The following PLCE1 variants were observed in gnomAD, a reference collection of about 807,000 sequenced individuals.
The protein encoded by PLCE1 is 1-phosphatidylinositol 4,5-bisphosphate phosphodiesterase epsilon-1.
A neutral mutation model predicts 242.8 loss-of-function variants in PLCE1; 119 were observed. That is an observed-to-expected ratio of 0.49 (90% confidence interval 0.42 to 0.57). The LOEUF is 0.57. PLCE1 is among the 20% of genes least tolerant of loss of function. The pLI, the probability that PLCE1 is intolerant of heterozygous loss-of-function variation, is 0.00. For missense variants in PLCE1, 2,441 were observed against 2,788.8 expected, an observed-to-expected ratio of 0.88 and a Z score of 2.81; for synonymous variants, 945 against 1,017.4, an observed-to-expected ratio of 0.93 and a Z score of 1.35.
intron 3 of PLCE1, among the ~76,000 whole-genome samples, chr10:94,158,670 G>A (rs1282044309): frequency 6.6e-6 from 1 of 151,880 alleles, no homozygotes; most frequent in Non-Finnish European, 1.5e-5. Context: ...TCAAAGAATA[G>A]CTTCAGAGTC....
chr10:94,321,843 T>C, intron 29 of PLCE1, 58 bp from the exon 30 acceptor site: 1 of 1,357,580 alleles, frequency 7.4e-7, no homozygotes, highest in Non-Finnish European at 1.0e-6. Context: ...GCTAGATTTG[T>C]CTTTCTTTAT....
chr10:94,186,494 T>C (rs12244999), intron 4 of PLCE1, among the ~76,000 whole-genome samples: 12,818 of 152,276 alleles, frequency 0.084, 997 homozygotes, highest in African/African-American at 0.21. Flanking sequence ...CAGCTCTGTA[T>C]TGAATTAACT....
rs150418108 is a variant in PLCE1 at position 94,291,527 on chromosome 10, C to G, written c.5036-1981C>G. ...AATCCCAGCTCTGTCTCTCCATGAC[C>G]TTGACTTGAACAGTTATGTATTATA... On this transcript the variant is annotated intron_variant, in intron 22 of 32. Coordinates refer to ENST00000371380, the MANE Select transcript of PLCE1 (RefSeq NM_016341.4). Among the ~76,000 whole-genome samples, 279 of 152,292 alleles carry G rather than the reference C, an allele frequency of 1.8e-3. 1 individual carries two copies. Among genetic ancestry groups the G allele is most frequent in the African/African-American group, 5.1e-3 (214 of 41,566 alleles).
intron 4 of PLCE1, among the ~76,000 whole-genome samples, chr10:94,182,181 G>T (rs2048335374): frequency 6.6e-6 from 1 of 151,790 alleles, no homozygotes; most frequent in African/African-American, 2.4e-5. Context: ...TATCTTTGGG[G>T]TCATCCATTA....
At chr10:94,190,486 G>C (rs2048625793) in intron 4 of PLCE1, among the ~76,000 whole-genome samples, 1 of 152,092 alleles carries the variant, frequency 6.6e-6, no homozygotes, top group African/African-American at 2.4e-5. Flanking sequence ...CACGCCTGTA[G>C]TACCAGCTAC....
chr10:94,256,350 GAAA>G (rs1267711807), intron 11 of PLCE1, among the ~76,000 whole-genome samples: 2 of 131,750 alleles, frequency 1.5e-5, no homozygotes, highest in African/African-American at 5.9e-5. Context: ...AAGAAAGAAA[GAAA>G]GAAAGAAAAA....
intron 1 of PLCE1, among the ~76,000 whole-genome samples, chr10:94,008,750 C>T (rs2061102857): frequency 6.6e-6 from 1 of 152,206 alleles, no homozygotes; most frequent in African/African-American, 2.4e-5. Context: ...GGTAAATAGT[C>T]AGCCAGGAGG....
chr10:94,166,369 A>C (rs577759488), intron 3 of PLCE1, among the ~76,000 whole-genome samples: 2 of 152,274 alleles, frequency 1.3e-5, no homozygotes, highest in African/African-American at 4.8e-5. Context: ...TGCCCATTTC[A>C]CCACCCCTCA....
intron 14 of PLCE1, among the ~76,000 whole-genome samples, chr10:94,265,446 G>A (rs2051479396): frequency 6.6e-6 from 1 of 152,020 alleles, no homozygotes; most frequent in South Asian, 2.1e-4. Context: ...AATATGCTTA[G>A]TATAATAAAC....
In PLCE1 at chr10:94,114,833, A is replaced by G. The variant is rs958861492; in HGVS notation, c.1207-17341A>G. Among the ~76,000 whole-genome samples the G allele has an allele frequency of 2.6e-5, 4 of 151,338 alleles. 1 individual carries two copies. The highest frequency in any genetic ancestry group is 4.2e-4 in the South Asian group (2 of 4,794). ...TGCACAACGTGCAGATTTGTTACAT[A>G]TGTATACATGTGCCATGTTGGTGTG... On this transcript the variant is annotated intron_variant, in intron 2 of 32. Transcript: ENST00000371380.
intron 2 of PLCE1, among the ~76,000 whole-genome samples, chr10:94,072,783 T>C (rs2044397827): frequency 6.6e-6 from 1 of 152,322 alleles, no homozygotes; most frequent in Non-Finnish European, 1.5e-5. Context: ...TCATTTCTTA[T>C]GTAATGAAGA....
chr10:94,281,261 G>C (rs2052206082), intron 20 of PLCE1, among the ~76,000 whole-genome samples: 2 of 152,078 alleles, frequency 1.3e-5, no homozygotes, highest in Admixed American at 6.6e-5. Flanking sequence ...CCTATAAGTA[G>C]TTAGTCCACT....
intron 1 of PLCE1, among the ~76,000 whole-genome samples, chr10:94,003,581 T>A (rs1413182401): frequency 1.9e-5 from 2 of 107,698 alleles, no homozygotes; most frequent in East Asian, 5.5e-4. Context: ...TTAGCCATGG[T>A]CATCAAATGC....
chr10:94,020,276 C>T (rs2061353558), intron 1 of PLCE1, among the ~76,000 whole-genome samples: 1 of 152,072 alleles, frequency 6.6e-6, no homozygotes, highest in Admixed American at 6.5e-5. Context: ...TTTTCGTGTA[C>T]TTATAGACCA....
In PLCE1 at chr10:94,269,635, G is replaced by A. The variant is rs577890320; in HGVS notation, c.4389+599G>A. Among the ~76,000 whole-genome samples the A allele has an allele frequency of 5.3e-5, 8 of 152,114 alleles. No homozygotes were observed. In the South Asian group the frequency reaches 6.2e-4, roughly 12 times the overall value. ...GTAATAATATTGTTGCAATTTTTAC[G>A]TAATATGATATATAAAGGCAAGGTC... On this transcript the variant is annotated intron_variant, in intron 17 of 32. Transcript: ENST00000371380.
At chr10:94,170,148 C>T (rs2047927948) in intron 3 of PLCE1, among the ~76,000 whole-genome samples, 1 of 152,176 alleles carries the variant, frequency 6.6e-6, no homozygotes, top group Non-Finnish European at 1.5e-5. Flanking sequence ...TCCTTACGAA[C>T]TTTGCTGTTA....
chr10:94,121,357 CAAACT>C (rs1466592645), intron 2 of PLCE1, among the ~76,000 whole-genome samples: 1 of 152,182 alleles, frequency 6.6e-6, no homozygotes. Flanking sequence ...AGAACAGAAG[CAAACT>C]ATCCCTGAGC....
intron 29 of PLCE1, among the ~76,000 whole-genome samples, chr10:94,319,864 CTTT>C (rs58610099): frequency 3.3e-3 from 310 of 92,904 alleles, no homozygotes; most frequent in African/African-American, 0.011. Context: ...CAAAGGTGCT[CTTT>C]TTTTTTTTTT....
chr10:94,091,702 G>A (rs911040082), intron 2 of PLCE1, among the ~76,000 whole-genome samples: 3 of 152,138 alleles, frequency 2.0e-5, no homozygotes, highest in African/African-American at 4.8e-5. Context: ...AATCCAAGGA[G>A]CTTCAGCATA....
Sources: allele counts gnomAD v4.1 joint callset (sites outside exome capture counted in the v4.1 genomes callset), GRCh38; gene constraint gnomAD v4.1.1; transcripts MANE v1.5; gene names NCBI Gene and HGNC (gene_info 2026-07-23, HGNC 2026-07-21).